LAMP2: variants seen among roughly 807,000 people sequenced by gnomAD.
LAMP2 encodes the protein lysosome associated membrane protein 2.
Under a neutral mutation model 25.6 loss-of-function variants are expected in LAMP2, and 4 were observed. That is an observed-to-expected ratio of 0.16 (90% confidence interval 0.08 to 0.36). LAMP2 has a LOEUF of 0.36. Ranked by LOEUF, LAMP2 falls within the 10% of genes least tolerant of loss-of-function variation. The pLI is 1.00. For missense variants in LAMP2, 272 were observed against 301.4 expected (o/e 0.90, Z 0.72); for synonymous variants, 108 against 112.7 (o/e 0.96, Z 0.27).
intron 6 of LAMP2, among the ~76,000 whole-genome samples, chrX:120,444,736 T>C (rs1204804324): frequency 8.9e-6 from 1 of 112,074 alleles, no homozygotes; most frequent in East Asian, 2.8e-4. Flanking sequence ...ATTTGCAGAT[T>C]TCTCCCATTA....
Position 120,430,980 on chromosome X carries a change from C to T in LAMP2, c.*343G>A. 1 of 843,786 alleles carries T rather than the reference C, an allele frequency of 1.2e-6. No individual in the cohort carries two copies. The highest frequency in any genetic ancestry group is 3.9e-5 in the South Asian group (1 of 25,530). 69.5% of individuals were successfully genotyped at this position (843,786 alleles called of 1,213,427 possible). A position where few individuals can be genotyped will look rare whatever the true frequency, so the allele number is the denominator to read the frequency against. ...TATTAATTCCATTAAGACACAACTA[C>T]ATATTTTATTCTTATAATGGCCATG... is the stretch of plus-strand genomic sequence containing the variant. On this transcript the variant is annotated 3_prime_UTR_variant, in exon 9 of 9. Coordinates refer to ENST00000200639, the MANE Select transcript of LAMP2 (RefSeq NM_002294.3).
intron 1 of LAMP2, among the ~76,000 whole-genome samples, chrX:120,462,530 A>C (rs1201493471): frequency 9.2e-6 from 1 of 108,877 alleles, no homozygotes; most frequent in Admixed American, 9.9e-5. Flanking sequence ...AAAAAAAAAA[A>C]AAAAAACCTC....
chrX:120,436,237 C>T (rs1024361404), intron 8 of LAMP2, among the ~76,000 whole-genome samples: 9 of 109,551 alleles, frequency 8.2e-5, no homozygotes, highest in African/African-American at 2.7e-4. Flanking sequence ...GTTAAATCCT[C>T]TAAGGATGCA....
At chrX:120,437,519 G>A (rs2058550912) in intron 8 of LAMP2, 1 of 749,469 alleles carries the variant, frequency 1.3e-6, no homozygotes, top group African/African-American at 2.3e-5. Flanking sequence ...CACCAAAAAA[G>A]TTCTCCTAGA....
At chrX:120,441,329 C>T (rs145358719) in intron 8 of LAMP2, among the ~76,000 whole-genome samples, 250 of 111,868 alleles carry the variant, frequency 2.2e-3, no homozygotes, top group African/African-American at 7.8e-3. Flanking sequence ...GCTTTGCTAC[C>T]GCTCTTTATC....
intron 6 of LAMP2, among the ~76,000 whole-genome samples, chrX:120,443,349 G>A (rs571696492): frequency 2.4e-4 from 27 of 112,028 alleles, no homozygotes; most frequent in African/African-American, 7.1e-4. Flanking sequence ...GAGAGAGCAA[G>A]AGTATAAATA....
chrX:120,462,519 C>CAAA (rs199797977), intron 1 of LAMP2, among the ~76,000 whole-genome samples: 22,612 of 61,152 alleles, frequency 0.37, 3,794 homozygotes, highest in Middle Eastern at 0.53. Context: ...AAGACCCTGT[C>CAAA]AAAAAAAAAA....
At chrX:120,440,582 C>T (rs1281687766) in intron 8 of LAMP2, among the ~76,000 whole-genome samples, 1 of 111,958 alleles carries the variant, frequency 8.9e-6, no homozygotes, top group Non-Finnish European at 1.9e-5. Context: ...AGAAAGAGCA[C>T]AGCTCATCTC....
At chrX:120,436,341 C>T (rs2058544546) in intron 8 of LAMP2, among the ~76,000 whole-genome samples, 1 of 111,684 alleles carries the variant, frequency 9.0e-6, no homozygotes, top group Non-Finnish European at 1.9e-5. Context: ...GACTATTCTT[C>T]CAGATGGTAA....
chrX:120,436,387 T>G, intron 8 of LAMP2: 3 of 442,323 alleles, frequency 6.8e-6, no homozygotes, highest in Non-Finnish European at 8.5e-6. Context: ...TTGCAAATAA[T>G]TCAGTTCTAC....
At chrX:120,456,399 C>T (rs773433192) in intron 2 of LAMP2, among the ~76,000 whole-genome samples, 1 of 110,984 alleles carries the variant, frequency 9.0e-6, no homozygotes, top group East Asian at 2.8e-4. Flanking sequence ...GACCTGAACA[C>T]CATATAGTCG....
chrX:120,465,125 G>A (rs1213561426), intron 1 of LAMP2, among the ~76,000 whole-genome samples: 1 of 111,274 alleles, frequency 9.0e-6, no homozygotes, highest in Non-Finnish European at 1.9e-5. Context: ...AGCTCCATGA[G>A]AGCAGGAACC....
chrX:120,431,513 A>G, intron 8 of LAMP2, 51 bp from the exon 9 acceptor site: 1 of 1,121,139 alleles, frequency 8.9e-7, no homozygotes, highest in South Asian at 1.8e-5. Context: ...CAAACTTTCA[A>G]ATCTGTGTAT....
intron 1 of LAMP2, among the ~76,000 whole-genome samples, chrX:120,459,904 C>T (rs1921246471): frequency 8.9e-6 from 1 of 111,983 alleles, no homozygotes; most frequent in Admixed American, 9.5e-5. Context: ...CATAAACAGT[C>T]GATTCACACA....
chrX:120,447,946 A>T lies in LAMP2; in HGVS notation c.636T>A (p.Pro212=). The part of the protein sequence containing the change: ...HTTVPSPTTT[P]TPKEKPEAGT... ...CAGCTTCTGGTTTTTCCTTTGGAGT[A>T]GGTGTTGTAGTAGGAGATGGCACAG... The change falls in exon 5 of 9, where the codon CCT becomes CCA. Residue 212 remains proline, a synonymous_variant. Transcript: ENST00000200639. 8.3e-7 allele frequency: 1 copy of T among 1,209,683 alleles called. No individual in the cohort carries two copies. Among genetic ancestry groups the T allele is most frequent in the Non-Finnish European group, 1.1e-6 (1 of 893,768 alleles).
Position 120,446,431 on chromosome X carries a change from CAGG to C in LAMP2, c.742-7_742-5del, listed in dbSNP as rs779710402. On this transcript the variant is annotated splice_region_variant and splice_polypyrimidine_tract_variant and intron_variant, in intron 5 of 8. Transcript: ENST00000200639. ...TGATGTTAATAACTGAAGCAACCTT[CAGG>C]AGAAGAAGAAAGGGAAAAGGTACAG... 41 of 1,207,763 alleles carry C rather than the reference CAGG, an allele frequency of 3.4e-5. No individual in the cohort carries two copies. The highest frequency in any genetic ancestry group is 4.6e-4 in the Middle Eastern group (2 of 4,346).
At chrX:120,456,536 A>C (rs954734503) in intron 2 of LAMP2, 115 bp downstream of exon 2, 3 of 422,435 alleles carry the variant, frequency 7.1e-6, no homozygotes, top group Non-Finnish European at 1.3e-5. Context: ...AAAATCCCAG[A>C]GTTTCAGCAT....
At chrX:120,449,625 G>GA (rs1215625166) in intron 3 of LAMP2, among the ~76,000 whole-genome samples, 1 of 110,650 alleles carries the variant, frequency 9.0e-6, no homozygotes, top group Non-Finnish European at 1.9e-5. Flanking sequence ...AAGAAAAAAA[G>GA]AAAAAGAAAG....
intron 8 of LAMP2, chrX:120,439,040 A>C (rs1807021639): frequency 6.0e-6 from 7 of 1,160,872 alleles, no homozygotes; most frequent in Non-Finnish European, 4.6e-6. Context: ...CCCCCATACC[A>C]CCCATTCTAA....
Sources: gnomAD v4.1 joint callset for allele counts (sites outside exome capture counted in the v4.1 genomes callset) on GRCh38, gnomAD v4.1.1 for gene constraint, MANE v1.5 for transcripts, NCBI Gene and HGNC (gene_info 2026-07-23, HGNC 2026-07-21) for gene names.